The following C1orf21 variants were observed in gnomAD, a reference collection of about 807,000 sequenced individuals.
The protein encoded by C1orf21 is chromosome 1 open reading frame 21.
A neutral mutation model predicts 18.7 loss-of-function variants in C1orf21; 3 were observed. The observed-to-expected ratio is 0.16, with a 90% CI of 0.07 to 0.42. C1orf21 has a LOEUF of 0.42. Ranked by LOEUF, C1orf21 falls within the 10% of genes least tolerant of loss-of-function variation. The pLI is 0.99. For missense variants in C1orf21, 104 were observed against 143.6 expected (o/e 0.72, Z 1.41); for synonymous variants, 41 against 46.4 (o/e 0.88, Z 0.47).
Position 184,623,165 on chromosome 1 carries a change from A to C in C1orf21, c.*3609A>C, listed in dbSNP as rs1299910367. The C allele has an allele frequency of 6.6e-6, 1 of 152,228 alleles. No individual in the cohort carries two copies. Among genetic ancestry groups the C allele is most frequent in the Non-Finnish European group, 1.5e-5 (1 of 68,040 alleles). The allele number at this position is 152,228 out of a possible 1,614,324, so 9.4% of individuals were successfully genotyped here. A position where few individuals can be genotyped will look rare whatever the true frequency, so the allele number is the denominator to read the frequency against. On this transcript the variant is annotated 3_prime_UTR_variant, in exon 6 of 6. Coordinates refer to ENST00000235307, the MANE Select transcript of C1orf21 (RefSeq NM_030806.4). Reference sequence around the variant, plus strand: ...TGCTTTGACACTGGGCAAGAATTTAAGATTGTTCTATCTCTACTAGTCATA... The same window carrying C: ...TGCTTTGACACTGGGCAAGAATTTACGATTGTTCTATCTCTACTAGTCATA...
intron 1 of C1orf21, among the ~76,000 whole-genome samples, chr1:184,389,973 A>C (rs1042544707): frequency 6.6e-6 from 1 of 152,218 alleles, no homozygotes; most frequent in South Asian, 2.1e-4. Flanking sequence ...ATGTTTAAGT[A>C]CAGAGGTCTT....
intron 1 of C1orf21, among the ~76,000 whole-genome samples, chr1:184,393,517 G>C (rs1266276690): frequency 6.6e-6 from 1 of 152,184 alleles, no homozygotes; most frequent in Non-Finnish European, 1.5e-5. Flanking sequence ...GCACCCCCAA[G>C]TTTAGGGATC....
At chr1:184,596,216 C>A (rs1659511277) in intron 4 of C1orf21, among the ~76,000 whole-genome samples, 1 of 152,088 alleles carries the variant, frequency 6.6e-6, no homozygotes, top group South Asian at 2.1e-4. Flanking sequence ...AATAAAGGAG[C>A]TAATGGAAGT....
intron 3 of C1orf21, among the ~76,000 whole-genome samples, chr1:184,544,130 C>T (rs938581456): frequency 1.3e-5 from 2 of 152,158 alleles, no homozygotes; most frequent in African/African-American, 4.8e-5. Context: ...GGTTCAAGGG[C>T]ACGCCTCTTA....
chr1:184,532,176 G>A (rs895935965), intron 3 of C1orf21, among the ~76,000 whole-genome samples: 17 of 152,016 alleles, frequency 1.1e-4, no homozygotes, highest in African/African-American at 3.9e-4. Flanking sequence ...GAGTGAGAGG[G>A]AAATGGCTGC....
At chr1:184,586,638 A>G (rs1484935154) in intron 3 of C1orf21, among the ~76,000 whole-genome samples, 1 of 152,050 alleles carries the variant, frequency 6.6e-6, no homozygotes, top group African/African-American at 2.4e-5. Flanking sequence ...AATTTGTTTA[A>G]GTTCCTTATT....
At chr1:184,548,968 A>G (rs905818991) in intron 3 of C1orf21, among the ~76,000 whole-genome samples, 1 of 151,988 alleles carries the variant, frequency 6.6e-6, no homozygotes, top group African/African-American at 2.4e-5. Flanking sequence ...CTCTATCACA[A>G]TTTTTTCCTA....
At chr1:184,607,665 A>G (rs915591832) in intron 5 of C1orf21, among the ~76,000 whole-genome samples, 4 of 149,892 alleles carry the variant, frequency 2.7e-5, no homozygotes, top group East Asian at 2.0e-4. Context: ...ATACATATAT[A>G]TGTGTGTATA....
At chr1:184,473,686 C>G (rs1657527413) in intron 1 of C1orf21, among the ~76,000 whole-genome samples, 1 of 152,064 alleles carries the variant, frequency 6.6e-6, no homozygotes, top group Non-Finnish European at 1.5e-5. Context: ...TATTTTAATC[C>G]TGTTTCTTTA....
chr1:184,552,298 G>A (rs1018458731), intron 3 of C1orf21, among the ~76,000 whole-genome samples: 2 of 152,146 alleles, frequency 1.3e-5, no homozygotes, highest in Non-Finnish European at 2.9e-5. Context: ...GAAGGTAGAA[G>A]AATAACCTTA....
chr1:184,469,792 T>C (rs1657468266), intron 1 of C1orf21, among the ~76,000 whole-genome samples: 1 of 152,248 alleles, frequency 6.6e-6, no homozygotes, highest in Admixed American at 6.5e-5. Context: ...TAGCTTGAAA[T>C]ATCTTCTGAC....
chr1:184,408,503 C>G (rs1046992543), intron 1 of C1orf21: 1 of 152,224 alleles, frequency 6.6e-6, no homozygotes, highest in African/African-American at 2.4e-5. Context: ...CTTTCATATT[C>G]CATCCCATCA....
chr1:184,438,770 C>T (rs568163342), intron 1 of C1orf21, among the ~76,000 whole-genome samples: 6 of 152,136 alleles, frequency 3.9e-5, no homozygotes, highest in Non-Finnish European at 7.4e-5. Flanking sequence ...TTGAGAAGTT[C>T]GACAGCTGGT....
intron 3 of C1orf21, among the ~76,000 whole-genome samples, chr1:184,510,817 G>A (rs1455511850): frequency 6.6e-6 from 1 of 152,172 alleles, no homozygotes; most frequent in Non-Finnish European, 1.5e-5. Context: ...TTACAATTCA[G>A]GAATGTTTAT....
At chr1:184,500,548 A>G (rs145240346) in intron 2 of C1orf21, among the ~76,000 whole-genome samples, 31 of 152,248 alleles carry the variant, frequency 2.0e-4, no homozygotes, top group African/African-American at 5.5e-4. Flanking sequence ...CTAAGAGACT[A>G]TATCATCCTG....
intron 1 of C1orf21, among the ~76,000 whole-genome samples, chr1:184,434,520 C>A (rs542391591): frequency 6.6e-6 from 1 of 152,246 alleles, no homozygotes; most frequent in South Asian, 2.1e-4. Flanking sequence ...TTGGGGGAAG[C>A]TTATGCATGT....
intron 2 of C1orf21, among the ~76,000 whole-genome samples, chr1:184,494,735 G>C (rs942916560): frequency 6.6e-6 from 1 of 152,088 alleles, no homozygotes; most frequent in African/African-American, 2.4e-5. Context: ...CTGAGGCTTA[G>C]CAACATGGAA....
chr1:184,406,345 T>C (rs1395718789), intron 1 of C1orf21, among the ~76,000 whole-genome samples: 1 of 152,142 alleles, frequency 6.6e-6, no homozygotes, highest in Non-Finnish European at 1.5e-5. Context: ...ATATTGTCAA[T>C]CACAAAGGTG....
intron 1 of C1orf21, among the ~76,000 whole-genome samples, chr1:184,447,991 A>G (rs1657058864): frequency 6.6e-6 from 1 of 152,190 alleles, no homozygotes. Context: ...GACTTTGCTT[A>G]TATATTCATT....
Sources: allele counts gnomAD v4.1 joint callset (sites outside exome capture counted in the v4.1 genomes callset), GRCh38; gene constraint gnomAD v4.1.1; transcripts MANE v1.5; gene names NCBI Gene and HGNC (gene_info 2026-07-23, HGNC 2026-07-21).